Variants in RSPH9 observed in about 807,000 individuals in gnomAD.
RSPH9 encodes the protein radial spoke head protein 9 homolog.
A neutral mutation model predicts 27.0 loss-of-function variants in RSPH9; 27 were observed. The observed-to-expected ratio is 1.00, with a 90% CI of 0.74 to 1.38. The LOEUF (loss-of-function observed/expected upper bound fraction) is 1.38. RSPH9 is among the 40% of genes most tolerant of loss of function. RSPH9 has a pLI of 0.00. For synonymous variants in RSPH9, 145 were observed against 147.7 expected (o/e 0.98, Z 0.13); for missense variants, 347 against 357.4 (o/e 0.97, Z 0.24).
rs1404025623 is a variant in RSPH9 at position 43,656,788 on chromosome 6, C to T, written c.670+65C>T. On this transcript the variant is annotated intron_variant, in intron 4 of 4. Transcript: ENST00000372163. Reference sequence around the variant, plus strand: ...AGGCCATAGCAGTGGGCCATGCCACCTGCCATTTTCCTCTGAGACTGGAAC... The same window carrying T: ...AGGCCATAGCAGTGGGCCATGCCACTTGCCATTTTCCTCTGAGACTGGAAC... The T allele has an allele frequency of 1.1e-5, 18 of 1,567,038 alleles. No individual in the cohort carries two copies. The South Asian group carries it at 1.3e-4, about 12-fold the overall frequency.
At chr6:43,663,670 A>C (rs1459496822) in intron 4 of RSPH9, among the ~76,000 whole-genome samples, 6 of 152,176 alleles carry the variant, frequency 3.9e-5, no homozygotes, top group Admixed American at 3.9e-4. Flanking sequence ...GTGGTGCCCC[A>C]AAACAATATC....
chr6:43,671,160 T>C lies in RSPH9; in HGVS notation c.*211T>C. 1.6e-6 allele frequency: 1 copy of C among 619,302 alleles called. No individual in the cohort carries two copies. Among genetic ancestry groups the C allele is most frequent in the Non-Finnish European group, 2.8e-6 (1 of 354,676 alleles). 38.4% of individuals were successfully genotyped at this position (619,302 alleles called of 1,614,324 possible). On this transcript the variant is annotated 3_prime_UTR_variant, in exon 5 of 5. Transcript: ENST00000372163. ...TAATGAAAGAGATTCTAGACAACGA[T>C]GGGTGGAAATGGCTGTGGGAGAAGG...
At chr6:43,669,214 T>C (rs989906794) in intron 4 of RSPH9, among the ~76,000 whole-genome samples, 16 of 152,212 alleles carry the variant, frequency 1.1e-4, no homozygotes, top group Admixed American at 5.9e-4. Flanking sequence ...TGGAGGGGGC[T>C]GACGTCATCC....
At chr6:43,645,464 G>C in intron 1 of RSPH9, 139 bp downstream of exon 1, 1 of 779,258 alleles carries the variant, frequency 1.3e-6, no homozygotes, top group Admixed American at 2.1e-5. Flanking sequence ...GAGTGGAATG[G>C]GGGAGACCCT....
intron 1 of RSPH9, among the ~76,000 whole-genome samples, chr6:43,646,258 A>G (rs1355982549): frequency 1.3e-5 from 2 of 151,740 alleles, no homozygotes; most frequent in African/African-American, 4.8e-5. Context: ...CAGCCTCCCG[A>G]GTGGCTGGGA....
At chr6:43,651,983 C>A (rs1771521012) in intron 2 of RSPH9, among the ~76,000 whole-genome samples, 1 of 151,978 alleles carries the variant, frequency 6.6e-6, no homozygotes. Flanking sequence ...ATCTTGGGCC[C>A]CAGCATCAGG....
At chr6:43,659,802 G>T (rs998875835) in intron 4 of RSPH9, among the ~76,000 whole-genome samples, 35 of 150,886 alleles carry the variant, frequency 2.3e-4, no homozygotes, top group African/African-American at 8.3e-4. Flanking sequence ...ATGTCATCTC[G>T]GCTCACTGCA....
intron 1 of RSPH9, among the ~76,000 whole-genome samples, chr6:43,646,712 C>T (rs1199056801): frequency 6.7e-6 from 1 of 149,516 alleles, no homozygotes; most frequent in Non-Finnish European, 1.5e-5. Context: ...CCTTTAATCC[C>T]AGCACTTTGG....
intron 3 of RSPH9, 115 bp downstream of exon 3, chr6:43,655,806 C>A: frequency 1.6e-6 from 2 of 1,270,886 alleles, no homozygotes; most frequent in Non-Finnish European, 2.2e-6. Flanking sequence ...GAAGGAGTAG[C>A]TGTGACCTTA....
intron 1 of RSPH9, 66 bp downstream of exon 1, chr6:43,645,391 G>GGGGGC: frequency 2.5e-6 from 1 of 400,202 alleles, no homozygotes; most frequent in Non-Finnish European, 5.0e-6. Context: ...GGGTGGGCGG[G>GGGGGC]TCGCAGCAAT....
In RSPH9 at chr6:43,670,985, T is replaced by A; in HGVS notation, c.*36T>A. 1 of 1,613,414 alleles carries A rather than the reference T, an allele frequency of 6.2e-7. No homozygotes were observed. The highest frequency in any genetic ancestry group is 8.5e-7 in the Non-Finnish European group (1 of 1,179,660). ...AGCCTGGATGTTTTTAAACAGAGTC[T>A]AAACATGATTTTCTTAAGCTTCAGT... On this transcript the variant is annotated 3_prime_UTR_variant, in exon 5 of 5. Coordinates refer to ENST00000372163, the MANE Select transcript of RSPH9 (RefSeq NM_152732.5).
intron 2 of RSPH9, among the ~76,000 whole-genome samples, chr6:43,652,728 C>T (rs556401023): frequency 1.5e-3 from 190 of 126,600 alleles, no homozygotes; most frequent in African/African-American, 5.8e-3. Flanking sequence ...GCCCAACTTC[C>T]GGTTTTTTTT....
intron 1 of RSPH9, among the ~76,000 whole-genome samples, chr6:43,647,296 T>C (rs1770988564): frequency 6.6e-6 from 1 of 151,548 alleles, no homozygotes; most frequent in African/African-American, 2.4e-5. Flanking sequence ...CAAAAGGATA[T>C]GGGTCTTTGT....
intron 1 of RSPH9, 81 bp from the exon 2 acceptor site, chr6:43,650,294 C>A: frequency 1.9e-6 from 3 of 1,542,952 alleles, no homozygotes; most frequent in East Asian, 2.3e-5. Context: ...GGGCCCAACC[C>A]ACTAGACAGA....
intron 2 of RSPH9, among the ~76,000 whole-genome samples, chr6:43,654,186 T>C (rs1315296216): frequency 2.6e-5 from 4 of 152,200 alleles, no homozygotes; most frequent in Admixed American, 2.6e-4. Flanking sequence ...CGTGACTCTC[T>C]AGGGGCCTCT....
rs1386922593 is a variant in RSPH9, at chr6:43,672,426, C to T, written c.*1477C>T. The T allele has an allele frequency of 2.1e-6, 1 of 471,164 alleles. No homozygotes were observed. The highest frequency in any genetic ancestry group is 6.9e-5 in the East Asian group (1 of 14,414). The allele number at this position is 471,164 out of a possible 1,614,324, so 29.2% of individuals were successfully genotyped here. On this transcript the variant is annotated 3_prime_UTR_variant, in exon 5 of 5. Coordinates refer to ENST00000372163, the MANE Select transcript of RSPH9 (RefSeq NM_152732.5). ...AAGGGGTAAGGGCCCGTGGGCGCAG[C>T]CCTAGCCTAGGAAGGTTCCTGTAAA...
In RSPH9 at chr6:43,656,725, T is replaced by TAATA. The variant is rs1554148038; in HGVS notation, c.670+3_670+6dup. ...CCTTGGAGCATGACATTCCCAAAGG[T>TAATA]AATAGTCCATTACCTGGAGGCCATG... On this transcript the variant is annotated splice_region_variant and intron_variant, in intron 4 of 4. Coordinates refer to ENST00000372163, the MANE Select transcript of RSPH9 (RefSeq NM_152732.5). 6.2e-7 allele frequency: 1 copy of TAATA among 1,613,864 alleles called. No homozygotes were observed. Among genetic ancestry groups the TAATA allele is most frequent in the Non-Finnish European group, 8.5e-7 (1 of 1,179,976 alleles).
intron 4 of RSPH9, among the ~76,000 whole-genome samples, chr6:43,659,429 CT>C (rs1230870243): frequency 1.3e-5 from 2 of 151,564 alleles, no homozygotes; most frequent in Non-Finnish European, 2.9e-5. Context: ...GTCGCCCAGG[CT>C]GGAGTGCAGT....
chr6:43,660,469 T>C (rs1285056412), intron 4 of RSPH9, among the ~76,000 whole-genome samples: 2 of 151,866 alleles, frequency 1.3e-5, no homozygotes, highest in South Asian at 2.1e-4. Context: ...ATTTATTTAT[T>C]TATTTATTTT....
Sources: gnomAD v4.1 joint callset for allele counts (sites outside exome capture counted in the v4.1 genomes callset) on GRCh38, gnomAD v4.1.1 for gene constraint, MANE v1.5 for transcripts, NCBI Gene and HGNC (gene_info 2026-07-23, HGNC 2026-07-21) for gene names.